The following KANSL1 variants were observed in gnomAD, a reference collection of about 807,000 sequenced individuals.
The protein encoded by KANSL1 is KAT8 regulatory NSL complex subunit 1.
A neutral mutation model predicts 103.6 loss-of-function variants in KANSL1; 22 were observed. The ratio of observed to expected loss-of-function variants is 0.21; its 90% CI spans 0.15 to 0.30. The LOEUF is 0.30. Among genes scored for constraint, KANSL1 ranks in the 10% least tolerant of loss-of-function variants. The probability of loss-of-function intolerance (pLI) is 1.00; values close to 1 mark genes in which losing one functional copy is unlikely to be tolerated. For synonymous variants in KANSL1, 600 were observed against 527.6 expected, an observed-to-expected ratio of 1.14 and a Z score of -1.88; for missense variants, 1,337 against 1,399.8, an observed-to-expected ratio of 0.96 and a Z score of 0.72.
At chr17:46,199,179 A>C (rs546611357) in intron 1 of KANSL1, among the ~76,000 whole-genome samples, 2 of 152,258 alleles carry the variant, frequency 1.3e-5, no homozygotes, top group Non-Finnish European at 2.9e-5. Context: ...CAACAGAAAG[A>C]AGCCAGTTAA....
At chr17:46,179,237 T>C (rs1439511311) in intron 1 of KANSL1, among the ~76,000 whole-genome samples, 1 of 152,246 alleles carries the variant, frequency 6.6e-6, no homozygotes, top group Non-Finnish European at 1.5e-5. Flanking sequence ...CACACATATA[T>C]ATACTCTTTC....
intron 3 of KANSL1, among the ~76,000 whole-genome samples, chr17:46,091,791 T>C (rs1047631754): frequency 7.7e-6 from 1 of 129,340 alleles, no homozygotes; most frequent in Admixed American, 8.2e-5. Flanking sequence ...AGCTTGTATG[T>C]ATTAAGTATG....
chr17:46,049,240 CTTTTTTTTTT>C lies in KANSL1; in HGVS notation c.2020+1283_2020+1292del, dbSNP rs34418861. On this transcript the variant is annotated intron_variant, in intron 7 of 14. Coordinates refer to ENST00000432791, the MANE Select transcript of KANSL1 (RefSeq NM_015443.4). ...ATTTGTTGTCCCCACCATCCAAGAC[CTTTTTTTTTT>C]TTTTTTTTTTTTTTTGAGACAGTCT... Among the ~76,000 whole-genome samples the C allele has an allele frequency of 3.0e-3, 225 of 75,812 alleles. 3 individuals carry two copies. The East Asian group carries it at 0.074, about 25-fold the overall frequency. The allele number at this position is 75,812 out of a possible 152,430, so 49.7% of individuals were successfully genotyped here. A position where few individuals can be genotyped will look rare whatever the true frequency, so the allele number is the denominator to read the frequency against.
chr17:46,214,414 G>A (rs2048275553), intron 1 of KANSL1, among the ~76,000 whole-genome samples: 1 of 152,220 alleles, frequency 6.6e-6, no homozygotes, highest in Non-Finnish European at 1.5e-5. Flanking sequence ...AGCACTTTGG[G>A]AGGCTGAGGG....
intron 1 of KANSL1, among the ~76,000 whole-genome samples, chr17:46,214,153 GAA>G (rs2148036085): frequency 6.6e-6 from 1 of 152,304 alleles, no homozygotes; most frequent in South Asian, 2.1e-4. Context: ...AGCATTCAAA[GAA>G]AGAGTATTAA....
intron 10 of KANSL1, 52 bp downstream of exon 10, chr17:46,038,486 T>G: frequency 1.0e-5 from 16 of 1,594,026 alleles, no homozygotes; most frequent in East Asian, 2.2e-5. Context: ...GCCACTTGAG[T>G]GAGCTGTGAC....
At chr17:46,170,312 G>A (rs1187914272) in intron 2 of KANSL1, 1 of 152,940 alleles carries the variant, frequency 6.5e-6, no homozygotes, top group Non-Finnish European at 1.4e-5. Flanking sequence ...GCTTGGAGGC[G>A]ATGTATTAAA....
chr17:46,181,674 G>C (rs2141302), intron 1 of KANSL1, among the ~76,000 whole-genome samples: 21,948 of 151,952 alleles, frequency 0.14, 2,140 homozygotes, highest in Non-Finnish European at 0.22. Context: ...TCAGGTGATC[G>C]ACCCGCCTCG....
intron 2 of KANSL1, among the ~76,000 whole-genome samples, chr17:46,126,920 T>C (rs1366319870): frequency 6.7e-6 from 1 of 148,816 alleles, no homozygotes; most frequent in Non-Finnish European, 1.5e-5. Flanking sequence ...TCATGATCAT[T>C]AGCCAAACTG....
chr17:46,094,959 C>T (rs1598605170), intron 2 of KANSL1, among the ~76,000 whole-genome samples: 1 of 152,284 alleles, frequency 6.6e-6, no homozygotes, highest in Middle Eastern at 3.4e-3. Flanking sequence ...CTCTGAAATC[C>T]CTTTAATTTC....
At chr17:46,196,322 T>C (rs1567795169), upstream of KANSL1, 1 of 456,338 alleles carries the variant, frequency 2.2e-6, no homozygotes, top group South Asian at 1.5e-5. Context: ...ATATCCACTC[T>C]ATTCTGATTA....
rs146848167 is a variant in KANSL1, at chr17:46,032,188, G to A, written c.2949C>T (p.Tyr983=). The A allele has an allele frequency of 1.6e-4, 264 of 1,610,380 alleles. No individual in the cohort carries two copies. In the African/African-American group the frequency reaches 3.1e-3, roughly 19 times the overall value. Residue 983 remains tyrosine, a synonymous_variant, in exon 14 of 15, where the codon TAC becomes TAT. Transcript: ENST00000432791. ...GGCTCCTAGGGGACTGACCATGGGAGTATTCTGACAAAGAGTGGCTACTGC... is the reference window on the plus strand; with the variant it reads ...GGCTCCTAGGGGACTGACCATGGGAATATTCTGACAAAGAGTGGCTACTGC... ...DVSSSHSLSE[Y]SHGQSPRSPI... is the part of the protein sequence containing the mutation.
chr17:46,188,491 T>G (rs1412075599), intron 1 of KANSL1, among the ~76,000 whole-genome samples: 1 of 152,184 alleles, frequency 6.6e-6, no homozygotes, highest in East Asian at 1.9e-4. Flanking sequence ...CAAGAAACAG[T>G]TATGAAGTCC....
chr17:46,091,615 A>G (rs992323393), intron 3 of KANSL1, among the ~76,000 whole-genome samples: 2 of 152,108 alleles, frequency 1.3e-5, no homozygotes, highest in African/African-American at 4.8e-5. Context: ...CTTTTCTACT[A>G]CATTTTTACT....
At chr17:46,148,899 TA>T (rs202016754) in intron 2 of KANSL1, among the ~76,000 whole-genome samples, 12,977 of 138,694 alleles carry the variant, frequency 0.094, 1,588 homozygotes, top group African/African-American at 0.29. Context: ...TGCTTACACT[TA>T]AAAAAAAAAA....
intron 2 of KANSL1, among the ~76,000 whole-genome samples, chr17:46,108,888 A>T (rs1006681690): frequency 6.6e-6 from 1 of 152,238 alleles, no homozygotes; most frequent in Non-Finnish European, 1.5e-5. Flanking sequence ...TAGTCCAAGT[A>T]TACACAAACC....
In KANSL1 at chr17:46,032,386, G is replaced by A. The variant is rs1326130927; in HGVS notation, c.2838-87C>T. 8.3e-6 allele frequency: 10 copies of A among 1,208,342 alleles called. No homozygotes were observed. The Admixed American group carries it at 2.0e-4, about 24-fold the overall frequency. The allele number at this position is 1,208,342 out of a possible 1,614,324, so 74.9% of individuals were successfully genotyped here. On this transcript the variant is annotated intron_variant, in intron 13 of 14. Transcript: ENST00000432791. ...CATGAAAAAAGCATCCCCACTGGAG[G>A]AGTTGAGGCAAACAAACACCAACAG...
At chr17:46,202,543 T>G (rs1316518716) in intron 1 of KANSL1, among the ~76,000 whole-genome samples, 4 of 152,224 alleles carry the variant, frequency 2.6e-5, no homozygotes, top group Non-Finnish European at 4.4e-5. Flanking sequence ...TAAATATGCA[T>G]GGCTAAAACC....
At chr17:46,100,466 C>A (rs1381516928) in intron 2 of KANSL1, among the ~76,000 whole-genome samples, 1 of 139,614 alleles carries the variant, frequency 7.2e-6, no homozygotes, top group Non-Finnish European at 1.6e-5. Context: ...AAAAAAGCGC[C>A]CTCTATAAAC....
Sources: gnomAD v4.1 joint callset for allele counts (sites outside exome capture counted in the v4.1 genomes callset) on GRCh38, gnomAD v4.1.1 for gene constraint, MANE v1.5 for transcripts, NCBI Gene and HGNC (gene_info 2026-07-23, HGNC 2026-07-21) for gene names.